Variants in PCDH15 observed in about 807,000 individuals in gnomAD.
PCDH15 encodes protocadherin related 15.
A neutral mutation model predicts 178.5 loss-of-function variants in PCDH15; 129 were observed. The observed-to-expected ratio is 0.72, with a 90% confidence interval of 0.63 to 0.84. PCDH15 has a LOEUF of 0.84. PCDH15 is among the 40% of genes least tolerant of loss of function. The pLI, the probability that PCDH15 is intolerant of heterozygous loss-of-function variation, is 0.00. For missense variants in PCDH15, 2,230 were observed against 2,099.9 expected (o/e 1.06, Z -1.21); for synonymous variants, 800 against 732.0 (o/e 1.09, Z -1.50).
chr10:55,077,102 C>T (rs1774694500), intron 2 of PCDH15, among the ~76,000 whole-genome samples: 1 of 146,276 alleles, frequency 6.8e-6, no homozygotes, highest in East Asian at 2.0e-4. Flanking sequence ...GCTACTACTC[C>T]TTTTTTTTTT....
chr10:55,198,733 T>G (rs1378253098), intron 1 of PCDH15, among the ~76,000 whole-genome samples: 1 of 151,556 alleles, frequency 6.6e-6, no homozygotes, highest in Non-Finnish European at 1.5e-5. Flanking sequence ...TCTGCCCGCC[T>G]CGGCATCCCA....
intron 1 of PCDH15, among the ~76,000 whole-genome samples, chr10:54,746,841 C>T (rs1007204573): frequency 3.3e-5 from 5 of 152,008 alleles, no homozygotes; most frequent in Admixed American, 2.0e-4. Context: ...GCGGACACCA[C>T]GTACAAGTTT....
At position 53,995,664 on chromosome 10, in the gene PCDH15, T is replaced by G; in HGVS notation, c.2853A>C (p.Glu951Asp). The G allele has an allele frequency of 6.2e-7, 1 of 1,613,966 alleles. No individual in the cohort carries two copies. The highest frequency in any genetic ancestry group is 8.5e-7 in the Non-Finnish European group (1 of 1,179,838). The change falls in exon 21 of 38, where the codon GAA (glutamate) becomes GAC (aspartate). Residue 951 changes from glutamate to aspartate, a missense_variant. Transcript: ENST00000644397. Reference sequence around the variant, plus strand: ...TTCTACTTACAGGAGGGTCTGCATCTTCAGCATAAACTGTTGTGATAGGTG... The same window carrying G: ...TTCTACTTACAGGAGGGTCTGCATCGTCAGCATAAACTGTTGTGATAGGTG... ...KGTPITTVYA[E>D]DADPPGLPAS...
intron 1 of PCDH15, among the ~76,000 whole-genome samples, chr10:55,258,338 C>T (rs192478832): frequency 8.7e-4 from 132 of 152,264 alleles, no homozygotes; most frequent in African/African-American, 3.0e-3. Flanking sequence ...AACTCTTGCC[C>T]TACCCTAATG....
intron 2 of PCDH15, among the ~76,000 whole-genome samples, chr10:54,905,406 A>G (rs1189582526): frequency 6.6e-6 from 1 of 152,154 alleles, no homozygotes; most frequent in Non-Finnish European, 1.5e-5. Flanking sequence ...TTGATAAATT[A>G]TGAGATAAAT....
At position 54,447,138 on chromosome 10, in the gene PCDH15, T is replaced by C. The variant is rs763229990; in HGVS notation, c.158-68196A>G. ...ATAAACTTTTATCTATCTCTAAGCG[T>C]TGGTGTGTCAGTGTTTGGTTTCGAC... On this transcript the variant is annotated intron_variant, in intron 3 of 37. Coordinates refer to ENST00000644397, the MANE Select transcript of PCDH15 (RefSeq NM_001384140.1). Among the ~76,000 whole-genome samples, 54 of 151,666 alleles carry C rather than the reference T, an allele frequency of 3.6e-4. 1 individual carries two copies. The highest frequency in any genetic ancestry group is 2.0e-4 in the Admixed American group (3 of 15,150).
chr10:54,287,610 T>A (rs2059113319), intron 8 of PCDH15, among the ~76,000 whole-genome samples: 1 of 152,168 alleles, frequency 6.6e-6, no homozygotes, highest in Non-Finnish European at 1.5e-5. Flanking sequence ...TATTTTTGCC[T>A]ATTTTTTTCG....
chr10:54,939,494 CAAAAA>C (rs71014430), intron 2 of PCDH15, among the ~76,000 whole-genome samples: 38 of 26,678 alleles, frequency 1.4e-3, no homozygotes, highest in Admixed American at 2.5e-3. Context: ...GACTCCGTCT[CAAAAA>C]AAAAAAAAAA....
Position 53,823,123 on chromosome 10 carries a change from G to GACTT in PCDH15, c.4368-2897_4368-2894dup, listed in dbSNP as rs781231890. 9 of 1,613,790 alleles carry GACTT rather than the reference G, an allele frequency of 5.6e-6. No homozygotes were observed. The East Asian group carries it at 1.6e-4, about 28-fold the overall frequency. The stretch of plus-strand genomic sequence containing the variant: ...GAAATGTCTGAATTTGTTGATACTT[G>GACTT]ACTTATGTTTTCCTTATAAAGGGGA... On this transcript the variant is annotated intron_variant, in intron 32 of 37. Transcript: ENST00000644397.
At chr10:54,349,765 C>CAAA (rs1386193470) in intron 5 of PCDH15, among the ~76,000 whole-genome samples, 1 of 151,936 alleles carries the variant, frequency 6.6e-6, no homozygotes, top group Admixed American at 6.6e-5. Context: ...TGAAGCCTAC[C>CAAA]AAAGATTGAT....
intron 25 of PCDH15, among the ~76,000 whole-genome samples, chr10:53,930,338 GT>G (rs2084937449): frequency 6.6e-6 from 1 of 150,950 alleles, no homozygotes; most frequent in Non-Finnish European, 1.5e-5. Context: ...GGCACCTGTA[GT>G]TCCAGCTACT....
intron 2 of PCDH15, among the ~76,000 whole-genome samples, chr10:54,622,777 C>T (rs1446195935): frequency 6.2e-5 from 2 of 32,410 alleles, no homozygotes; most frequent in Non-Finnish European, 1.5e-4. Context: ...ATATTTTTCC[C>T]ACTACAGTGG....
At chr10:54,601,291 G>A (rs2092517100) in intron 2 of PCDH15, among the ~76,000 whole-genome samples, 1 of 151,880 alleles carries the variant, frequency 6.6e-6, no homozygotes, top group South Asian at 2.1e-4. Context: ...GCTGACAAAG[G>A]TCGATTATCT....
At chr10:53,923,783 T>A (rs1384017403) in intron 25 of PCDH15, among the ~76,000 whole-genome samples, 1 of 152,204 alleles carries the variant, frequency 6.6e-6, no homozygotes, top group Non-Finnish European at 1.5e-5. Flanking sequence ...GAAACCCTCT[T>A]CTCCTTTGGC....
At chr10:53,821,587 C>A in intron 32 of PCDH15, 1 of 1,166,846 alleles carries the variant, frequency 8.6e-7, no homozygotes, top group Non-Finnish European at 1.1e-6. Flanking sequence ...CATATTCCCA[C>A]TAAAAAAGAG....
At chr10:55,169,949 T>C (rs1839287393) in intron 1 of PCDH15, among the ~76,000 whole-genome samples, 1 of 151,254 alleles carries the variant, frequency 6.6e-6, no homozygotes, top group African/African-American at 2.4e-5. Flanking sequence ...ATGAGTCAAA[T>C]TCCATAGACT....
chr10:55,341,672 T>C (rs535002444), intron 2 of PCDH15, among the ~76,000 whole-genome samples: 4 of 146,404 alleles, frequency 2.7e-5, no homozygotes, highest in Middle Eastern at 3.6e-3. Flanking sequence ...CGGGTTCAAG[T>C]GATTCTCTAG....
At chr10:53,944,033 TC>T (rs551517234) in intron 23 of PCDH15, among the ~76,000 whole-genome samples, 6 of 152,176 alleles carry the variant, frequency 3.9e-5, no homozygotes, top group African/African-American at 1.4e-4. Context: ...TTGGTATAAA[TC>T]AGGATTCATT....
chr10:55,385,702 T>C (rs934754528), intron 2 of PCDH15, among the ~76,000 whole-genome samples: 6 of 145,962 alleles, frequency 4.1e-5, no homozygotes, highest in African/African-American at 1.5e-4. Context: ...CCTATATATA[T>C]ATATATATAT....
Sources: gnomAD v4.1 joint callset for allele counts (sites outside exome capture counted in the v4.1 genomes callset) on GRCh38, gnomAD v4.1.1 for gene constraint, MANE v1.5 for transcripts, NCBI Gene and HGNC (gene_info 2026-07-23, HGNC 2026-07-21) for gene names.